SPRED1: variants seen among roughly 807,000 people sequenced by gnomAD.
SPRED1 encodes the protein sprouty related EVH1 domain containing 1, also known as sprouty-related, EVH1 domain-containing protein 1.
Under a neutral mutation model 52.3 loss-of-function variants are expected in SPRED1, and 18 were observed. That is an observed-to-expected ratio of 0.34 (90% CI 0.24 to 0.51). SPRED1 has a LOEUF of 0.51. Among genes scored for constraint, SPRED1 ranks in the 20% least tolerant of loss-of-function variants. The pLI, the probability that SPRED1 is intolerant of heterozygous loss-of-function variation, is 0.97. For missense variants in SPRED1, 485 were observed against 551.0 expected (o/e 0.88, Z 1.20); for synonymous variants, 155 against 179.7 (o/e 0.86, Z 1.10).
At chr15:38,275,250 C>T (rs1894525396) in intron 1 of SPRED1, among the ~76,000 whole-genome samples, 1 of 152,132 alleles carries the variant, frequency 6.6e-6, no homozygotes, top group Non-Finnish European at 1.5e-5. Flanking sequence ...TCTGTTGTCC[C>T]AGACTTGGCC....
intron 5 of SPRED1, among the ~76,000 whole-genome samples, chr15:38,340,608 C>T (rs1028244942): frequency 2.6e-5 from 4 of 152,032 alleles, no homozygotes; most frequent in Admixed American, 6.6e-5. Flanking sequence ...TCTTGGCTCA[C>T]TGCAACCTCT....
rs368685416 is a variant in SPRED1, at chr15:38,337,416, G to T, written c.424-2321G>T. Among the ~76,000 whole-genome samples the T allele has an allele frequency of 3.3e-5, 5 of 152,196 alleles. No individual in the cohort carries two copies. In the East Asian group the frequency reaches 9.6e-4, roughly 29 times the overall value. ...TGTTTGCCATATCAGACACTTGAAT[G>T]ATGCTTTGGTTATTTTATTCACTGA... On this transcript the variant is annotated intron_variant, in intron 4 of 6. Transcript: ENST00000299084.
chr15:38,354,038 A>C lies in SPRED1; in HGVS notation c.*2374A>C, dbSNP rs1443278281. ...TTTTAAACAAGTTTCTTCATTAAAA[A>C]CTATGGTGATGAAATGGTTTTTATT... On this transcript the variant is annotated 3_prime_UTR_variant, in exon 7 of 7. Transcript: ENST00000299084. 1.3e-5 allele frequency: 2 copies of C among 152,736 alleles called. No homozygotes were observed. Among genetic ancestry groups the C allele is most frequent in the East Asian group, 3.9e-4 (2 of 5,186 alleles). The allele number at this position is 152,736 out of a possible 1,614,324, so 9.5% of individuals were successfully genotyped here. A position where few individuals can be genotyped will look rare whatever the true frequency, so the allele number is the denominator to read the frequency against.
rs141979264 is a variant in SPRED1, at chr15:38,292,102, A to G, written c.33-7271A>G. Among the ~76,000 whole-genome samples the G allele has an allele frequency of 2.6e-3, 389 of 152,230 alleles. 1 individual carries two copies. The highest frequency in any genetic ancestry group is 9.1e-3 in the African/African-American group (376 of 41,534). ...GAAATTTCTTCCCCCAGATACCCTA[A>G]ATCATCTCTTTCAAGCTCAAAGTTC... On this transcript the variant is annotated intron_variant, in intron 1 of 6. Coordinates refer to ENST00000299084, the MANE Select transcript of SPRED1 (RefSeq NM_152594.3).
intron 1 of SPRED1, among the ~76,000 whole-genome samples, chr15:38,271,705 T>C (rs535494386): frequency 6.6e-6 from 1 of 152,256 alleles, no homozygotes; most frequent in East Asian, 1.9e-4. Flanking sequence ...AATACATTTT[T>C]CCCAGGAGAG....
Position 38,272,180 on chromosome 15 carries a change from C to T in SPRED1, c.32+18963C>T, listed in dbSNP as rs139310807. 2.3e-3 allele frequency among the ~76,000 whole-genome samples: 347 copies of T among 151,780 alleles called. 2 individuals carry two copies. Among genetic ancestry groups the T allele is most frequent in the African/African-American group, 7.9e-3 (328 of 41,372 alleles). ...CATCTGGGTTGATTCCATGTCTTTG[C>T]TTCAGTGATCATGAGTGCACGTGTC... On this transcript the variant is annotated intron_variant, in intron 1 of 6. Coordinates refer to ENST00000299084, the MANE Select transcript of SPRED1 (RefSeq NM_152594.3).
At chr15:38,330,421 C>A (rs1895784461) in intron 4 of SPRED1, among the ~76,000 whole-genome samples, 1 of 152,070 alleles carries the variant, frequency 6.6e-6, no homozygotes, top group Non-Finnish European at 1.5e-5. Flanking sequence ...TTAAGCTAAT[C>A]AAACTAAAGA....
At chr15:38,348,291 A>C (rs1478587349) in intron 5 of SPRED1, among the ~76,000 whole-genome samples, 1 of 151,916 alleles carries the variant, frequency 6.6e-6, no homozygotes, top group Non-Finnish European at 1.5e-5. Flanking sequence ...TTTAATCCAT[A>C]GTTATTTCCT....
chr15:38,338,303 G>GTT (rs10680565), intron 4 of SPRED1, among the ~76,000 whole-genome samples: 83 of 143,612 alleles, frequency 5.8e-4, no homozygotes, highest in Non-Finnish European at 7.0e-4. Context: ...GTTTTGTTTT[G>GTT]TTTTTTTTCT....
intron 2 of SPRED1, among the ~76,000 whole-genome samples, chr15:38,312,867 CT>C (rs1327174485): frequency 6.6e-6 from 1 of 151,246 alleles, no homozygotes; most frequent in Non-Finnish European, 1.5e-5. Flanking sequence ...TTTATTTGTA[CT>C]TTTTCTTTTT....
chr15:38,334,266 GA>G (rs1026603874), intron 4 of SPRED1, among the ~76,000 whole-genome samples: 3 of 151,588 alleles, frequency 2.0e-5, no homozygotes, highest in Non-Finnish European at 4.4e-5. Context: ...ATAAGAAAAT[GA>G]AAAAAAATAT....
intron 5 of SPRED1, among the ~76,000 whole-genome samples, chr15:38,343,040 A>G (rs1176059344): frequency 6.6e-6 from 1 of 152,162 alleles, no homozygotes; most frequent in Admixed American, 6.6e-5. Context: ...GAGCGGTCAC[A>G]TTAGGAGAAC....
At chr15:38,336,412 GTA>G (rs1491576211) in intron 4 of SPRED1, among the ~76,000 whole-genome samples, 6 of 41,692 alleles carry the variant, frequency 1.4e-4, no homozygotes, top group African/African-American at 3.8e-4. Flanking sequence ...GTGTGTATGT[GTA>G]TGTGTGTGTA....
rs2141018098 is a variant in SPRED1 at position 38,353,566 on chromosome 15, TA to T, written c.*1903del. 6.5e-6 allele frequency: 1 copy of T among 152,692 alleles called. No individual in the cohort carries two copies. The highest frequency in any genetic ancestry group is 1.5e-5 in the Non-Finnish European group (1 of 67,948). 9.5% of individuals were successfully genotyped at this position (152,692 alleles called of 1,614,324 possible). On this transcript the variant is annotated 3_prime_UTR_variant, in exon 7 of 7. Transcript: ENST00000299084. ...AGTTTTAAGTCTTATTTTTACTGTT[TA>T]TATATTTGAATGCTGCTACAACAGA...
At chr15:38,296,530 C>T (rs1895043474) in intron 1 of SPRED1, among the ~76,000 whole-genome samples, 1 of 152,034 alleles carries the variant, frequency 6.6e-6, no homozygotes, top group Non-Finnish European at 1.5e-5. Context: ...TCTTCTTTTG[C>T]CTTTGACTTT....
At position 38,339,798 on chromosome 15, in the gene SPRED1, T is replaced by C; in HGVS notation, c.485T>C (p.Val162Ala). 4 of 1,614,004 alleles carry C rather than the reference T, an allele frequency of 2.5e-6. No homozygotes were observed. Among genetic ancestry groups the C allele is most frequent in the Non-Finnish European group, 3.4e-6 (4 of 1,179,956 alleles). Residue 162 changes from valine to alanine, a missense_variant, in exon 5 of 7, where the codon GTT becomes GCT. Physicochemically the swap from Val to Ala is moderately conservative, Grantham distance 64. Around this residue, in one of 5 missense-constraint regions of SPRED1, gnomAD observed 232 missense variants for 231.8 expected, o/e 1.00. Coordinates refer to ENST00000299084, the MANE Select transcript of SPRED1 (RefSeq NM_152594.3). The stretch of plus-strand genomic sequence containing the variant: ...GATCACCTTTTTCAGCAAGAGACAG[T>C]TGTTACCAGTGAGCCTTATAGAAGC... ...VKDHLFQQET[V>A]VTSEPYRSSN...
intron 2 of SPRED1, among the ~76,000 whole-genome samples, chr15:38,318,383 A>G (rs554697268): frequency 6.6e-6 from 1 of 152,286 alleles, no homozygotes; most frequent in African/African-American, 2.4e-5. Flanking sequence ...ATGTGAGTCA[A>G]AGAGCTAGTT....
intron 2 of SPRED1, among the ~76,000 whole-genome samples, chr15:38,315,425 T>G (rs369251261): frequency 2.0e-5 from 3 of 151,952 alleles, no homozygotes; most frequent in Non-Finnish European, 4.4e-5. Flanking sequence ...TGAAACAAAA[T>G]GCACTTACAC....
chr15:38,283,836 A>G (rs1005130225), intron 1 of SPRED1, among the ~76,000 whole-genome samples: 1 of 152,168 alleles, frequency 6.6e-6, no homozygotes, highest in Non-Finnish European at 1.5e-5. Context: ...TCTTTAACCA[A>G]ATATTCAAAA....
Sources: gnomAD v4.1 joint callset for allele counts (sites outside exome capture counted in the v4.1 genomes callset) on GRCh38, gnomAD v4.1.1 for gene constraint, gnomAD v4.1.1 regional missense constraint, MANE v1.5 for transcripts, NCBI Gene and HGNC (gene_info 2026-07-23, HGNC 2026-07-21) for gene names.